The following RBFOX1 variants were observed in gnomAD, a reference collection of about 807,000 sequenced individuals.
The protein encoded by RBFOX1 is RNA binding fox-1 homolog 1.
In RBFOX1, 8 loss-of-function variants were observed where a neutral mutation model predicts 57.7. The ratio of observed to expected loss-of-function variants is 0.14; its 90% CI spans 0.08 to 0.25. RBFOX1 has a LOEUF of 0.25. RBFOX1 is among the 10% of genes least tolerant of loss of function. RBFOX1 has a pLI of 1.00. For synonymous variants in RBFOX1, 326 were observed against 222.4 expected, an observed-to-expected ratio of 1.47 and a Z score of -4.15; for missense variants, 611 against 548.5, an observed-to-expected ratio of 1.11 and a Z score of -1.14.
intron 3 of RBFOX1, among the ~76,000 whole-genome samples, chr16:5,812,408 TA>T (rs2055466093): frequency 6.6e-6 from 1 of 152,004 alleles, no homozygotes; most frequent in Non-Finnish European, 1.5e-5. Flanking sequence ...CAGCAGTCTA[TA>T]AAAGTTCTAC....
At chr16:5,352,586 G>C (rs915638324) in intron 1 of RBFOX1, among the ~76,000 whole-genome samples, 1 of 152,070 alleles carries the variant, frequency 6.6e-6, no homozygotes, top group Non-Finnish European at 1.5e-5. Context: ...TATGGCCTAA[G>C]ATCAAACACA....
intron 3 of RBFOX1, among the ~76,000 whole-genome samples, chr16:6,961,212 T>G (rs141153421): frequency 1.6e-3 from 230 of 146,810 alleles, no homozygotes; most frequent in African/African-American, 5.3e-3. Context: ...CATGGGATAG[T>G]AAGCTGATAG....
intron 1 of RBFOX1, among the ~76,000 whole-genome samples, chr16:5,241,653 G>C (rs1376193280): frequency 6.6e-6 from 1 of 152,212 alleles, no homozygotes; most frequent in East Asian, 1.9e-4. Context: ...CATTGCCTGG[G>C]GTTGTTACTG....
Position 7,493,661 on chromosome 16 carries a change from A to G in RBFOX1, c.28-24486A>G, listed in dbSNP as rs1351085863. Among the ~76,000 whole-genome samples, 14 of 152,354 alleles carry G rather than the reference A, an allele frequency of 9.2e-5. No homozygotes were observed. The South Asian group carries it at 2.7e-3, about 29-fold the overall frequency. On this transcript the variant is annotated intron_variant, in intron 4 of 15. Transcript: ENST00000550418. ...TTTTGAAGTTGGAGAAAGAGACCAC[A>G]AGGTAAGGAATTAAGGTGGTCATTA...
At chr16:7,217,267 A>G (rs1486984021) in intron 4 of RBFOX1, among the ~76,000 whole-genome samples, 1 of 110,602 alleles carries the variant, frequency 9.0e-6, no homozygotes, top group East Asian at 4.2e-4. Context: ...ACAGCTGGCT[A>G]ATTATCTTTT....
At chr16:7,332,942 T>G in intron 4 of RBFOX1, 7 of 1,610,630 alleles carry the variant, frequency 4.3e-6, no homozygotes, top group South Asian at 1.1e-5. Flanking sequence ...TCTATAGATT[T>G]CCCCCTAACT....
chr16:7,611,667 G>A (rs962860615), intron 10 of RBFOX1, among the ~76,000 whole-genome samples: 14 of 152,020 alleles, frequency 9.2e-5, no homozygotes, highest in African/African-American at 3.4e-4. Context: ...TGGGTGGGGT[G>A]GGGGCGAGGC....
chr16:7,462,992 T>C (rs2059855987), intron 4 of RBFOX1, among the ~76,000 whole-genome samples: 1 of 152,194 alleles, frequency 6.6e-6, no homozygotes, highest in South Asian at 2.1e-4. Context: ...AAAGTCCTTG[T>C]CTTAGCCTGC....
In RBFOX1 at chr16:6,495,691, G is replaced by A. The variant is rs1010386532; in HGVS notation, c.-63-158912G>A. 4.6e-5 allele frequency among the ~76,000 whole-genome samples: 7 copies of A among 152,138 alleles called. No individual in the cohort carries two copies. In the East Asian group the frequency reaches 5.8e-4, roughly 13 times the overall value. On this transcript the variant is annotated intron_variant, in intron 2 of 15. Coordinates refer to ENST00000550418, the MANE Select transcript of RBFOX1 (RefSeq NM_018723.4). ...CTTATGGCTTTTGGATCTCCAAGAC[G>A]TAGATTTCACAACCCTCCCTTGGTT...
chr16:6,024,459 A>C (rs1235879988), intron 1 of RBFOX1, among the ~76,000 whole-genome samples: 1 of 152,180 alleles, frequency 6.6e-6, no homozygotes. Context: ...GTATGGATCC[A>C]TACATTTATC....
intron 1 of RBFOX1, among the ~76,000 whole-genome samples, chr16:6,086,431 G>C (rs1471496300): frequency 2.0e-5 from 3 of 152,182 alleles, no homozygotes; most frequent in Non-Finnish European, 4.4e-5. Flanking sequence ...CAGAGCAGTC[G>C]GTGGTAAAGT....
chr16:6,928,706 A>G (rs1272744571), intron 3 of RBFOX1, among the ~76,000 whole-genome samples: 2 of 152,198 alleles, frequency 1.3e-5, no homozygotes, highest in African/African-American at 4.8e-5. Context: ...AGTGGTAAGT[A>G]AAAGATTAAA....
intron 2 of RBFOX1, among the ~76,000 whole-genome samples, chr16:5,486,097 G>T (rs1399722431): frequency 6.6e-6 from 1 of 152,090 alleles, no homozygotes; most frequent in Non-Finnish European, 1.5e-5. Context: ...ACTTCTCTGA[G>T]AACTGCTTTA....
intron 4 of RBFOX1, among the ~76,000 whole-genome samples, chr16:5,994,275 C>T (rs112034065): frequency 0.013 from 2,033 of 152,322 alleles, 57 homozygotes; most frequent in South Asian, 0.1. Context: ...AATTCTCATG[C>T]TTCAGCCTCC....
In RBFOX1 at chr16:7,291,845, A is replaced by T. The variant is rs1358145657; in HGVS notation, c.28-226302A>T. ...TACTGCAAATCCTTCACAAGTGTGT[A>T]AAGAGTATCATAGCCATTACTATAT... On this transcript the variant is annotated intron_variant, in intron 4 of 15. Coordinates refer to ENST00000550418, the MANE Select transcript of RBFOX1 (RefSeq NM_018723.4). 2.0e-5 allele frequency among the ~76,000 whole-genome samples: 3 copies of T among 149,498 alleles called. No homozygotes were observed. The South Asian group carries it at 6.3e-4, about 31-fold the overall frequency.
At chr16:6,745,275 G>A (rs2073302355) in intron 3 of RBFOX1, among the ~76,000 whole-genome samples, 1 of 151,978 alleles carries the variant, frequency 6.6e-6, no homozygotes, top group African/African-American at 2.4e-5. Context: ...GGAAAAGGAA[G>A]TTACATTTCC....
intron 4 of RBFOX1, among the ~76,000 whole-genome samples, chr16:7,449,084 C>T (rs1332473767): frequency 6.6e-6 from 1 of 151,992 alleles, no homozygotes; most frequent in Non-Finnish European, 1.5e-5. Context: ...CATGCACCAG[C>T]ATGCCCGGCT....
chr16:6,611,319 G>A lies in RBFOX1; in HGVS notation c.-63-43284G>A, dbSNP rs1029950158. Among the ~76,000 whole-genome samples, 4 of 152,056 alleles carry A rather than the reference G, an allele frequency of 2.6e-5. No individual in the cohort carries two copies. The South Asian group carries it at 8.3e-4, about 32-fold the overall frequency. The stretch of plus-strand genomic sequence containing the variant: ...ACACCACCACGCCTGGCTAATTTTT[G>A]TATTTTTAGTAGAGACAGGGTTTTG... On this transcript the variant is annotated intron_variant, in intron 2 of 15. Transcript: ENST00000550418.
chr16:7,112,317 C>G (rs1381508500), intron 4 of RBFOX1, among the ~76,000 whole-genome samples: 4 of 152,034 alleles, frequency 2.6e-5, no homozygotes, highest in African/African-American at 9.7e-5. Context: ...ATCCTCCAGC[C>G]TCAGACTCCA....
Sources: gnomAD v4.1 joint callset for allele counts (sites outside exome capture counted in the v4.1 genomes callset) on GRCh38, gnomAD v4.1.1 for gene constraint, MANE v1.5 for transcripts, NCBI Gene and HGNC (gene_info 2026-07-23, HGNC 2026-07-21) for gene names.